Variants in RPS12 observed in about 807,000 individuals in gnomAD.
The protein encoded by RPS12 is small ribosomal subunit protein eS12.
Under a neutral mutation model 17.2 loss-of-function variants are expected in RPS12, and 1 was observed. The ratio of observed to expected loss-of-function variants is 0.06; its 90% CI spans 0.02 to 0.28. The LOEUF is 0.28. Among genes scored for constraint, RPS12 ranks in the 10% least tolerant of loss-of-function variants. RPS12 has a pLI of 1.00. For missense variants in RPS12, 146 were observed against 162.1 expected (o/e 0.90, Z 0.54); for synonymous variants, 67 against 54.0 (o/e 1.24, Z -1.06).
intron 3 of RPS12, chr6:132,815,539 T>C (rs1452047491): frequency 4.6e-6 from 2 of 430,858 alleles, no homozygotes. Context: ...AGTAGTATAA[T>C]AGCTGTGATT....
At chr6:132,815,476 T>C (rs896114334) in intron 3 of RPS12, 15 of 425,332 alleles carry the variant, frequency 3.5e-5, no homozygotes, top group Non-Finnish European at 6.5e-5. Flanking sequence ...CAAGCATTAA[T>C]TTAATGGAAT....
At chr6:132,815,144 C>T (rs1033435562) in intron 3 of RPS12, 56 bp downstream of exon 3, 3 of 1,118,326 alleles carry the variant, frequency 2.7e-6, no homozygotes, top group Non-Finnish European at 4.1e-6. Flanking sequence ...AAACTGCCAC[C>T]CAAGGGAAGA....
At chr6:132,816,228 T>A (rs1310565070) in intron 3 of RPS12, among the ~76,000 whole-genome samples, 2 of 152,132 alleles carry the variant, frequency 1.3e-5, no homozygotes, top group Non-Finnish European at 2.9e-5. Flanking sequence ...TTACACCAAT[T>A]CAGTGTGTCA....
At chr6:132,815,792 C>T (rs1026830078) in intron 3 of RPS12, 1 of 455,494 alleles carries the variant, frequency 2.2e-6, no homozygotes, top group South Asian at 1.6e-5. Flanking sequence ...GGCATTATTG[C>T]ATGGCATTTC....
intron 3 of RPS12, chr6:132,816,183 A>G (rs3778173): frequency 0.064 from 33,092 of 513,582 alleles, 1,178 homozygotes; most frequent in Middle Eastern, 0.08. Flanking sequence ...GAAAGCTATT[A>G]TGGTTGGGTT....
At chr6:132,816,329 G>A (rs531658564) in intron 3 of RPS12, 132 bp from the exon 4 acceptor site, 12 of 647,506 alleles carry the variant, frequency 1.9e-5, no homozygotes, top group South Asian at 3.6e-5. Flanking sequence ...AATTTTGTAC[G>A]CATTTATGTG....
At chr6:132,814,818 G>C (rs1782005761) in intron 2 of RPS12, 36 bp downstream of exon 2, 7 of 1,594,910 alleles carry the variant, frequency 4.4e-6, no homozygotes, top group Admixed American at 3.3e-5. Flanking sequence ...TTGGGGTCGG[G>C]GTGCGGCTGA....
intron 3 of RPS12, chr6:132,815,970 T>A: frequency 2.2e-6 from 1 of 450,454 alleles, no homozygotes; most frequent in Non-Finnish European, 4.4e-6. Context: ...TAGATGGAAT[T>A]ACAGGCACAC....
Position 132,816,581 on chromosome 6 carries a change from T to C in RPS12, c.234+18T>C, listed in dbSNP as rs369281936. ...TAATTAAGGTAAGGCTGCTAAGGAT[T>C]GTGTTGGGACTAATGTTCAGTGATG... On this transcript the variant is annotated intron_variant, in intron 4 of 5. Coordinates refer to ENST00000230050, the MANE Select transcript of RPS12 (RefSeq NM_001016.4). 5.9e-6 allele frequency: 9 copies of C among 1,522,382 alleles called. No individual in the cohort carries two copies. Among genetic ancestry groups the C allele is most frequent in the African/African-American group, 1.4e-5 (1 of 73,354 alleles). 94.3% of individuals were successfully genotyped at this position (1,522,382 alleles called of 1,614,324 possible).
rs376728133 is a variant in RPS12 at position 132,814,741 on chromosome 6, G to A, written c.-28G>A. ...TGCTTTTGTTTTTTAGTGCGTTCAA[G>A]ATTCAACTTCACCCGTAACCCACCG... On this transcript the variant is annotated 5_prime_UTR_variant, in exon 2 of 6. Coordinates refer to ENST00000230050, the MANE Select transcript of RPS12 (RefSeq NM_001016.4). The A allele has an allele frequency of 8.1e-6, 13 of 1,612,674 alleles. No homozygotes were observed. The highest frequency in any genetic ancestry group is 8.0e-5 in the African/African-American group (6 of 74,868).
At chr6:132,816,262 C>T (rs1478402061) in intron 3 of RPS12, among the ~76,000 whole-genome samples, 199 bp from the exon 4 acceptor site, 1 of 152,058 alleles carries the variant, frequency 6.6e-6, no homozygotes, top group Non-Finnish European at 1.5e-5. Flanking sequence ...TACTGAAGAC[C>T]AGTTGTAGGT....
intron 3 of RPS12, chr6:132,816,100 C>T: frequency 2.7e-6 from 1 of 376,772 alleles, no homozygotes; most frequent in Non-Finnish European, 5.1e-6. Flanking sequence ...TCCCAAAGTG[C>T]TGGGATTACA....
chr6:132,816,499 A>C lies in RPS12; in HGVS notation c.170A>C (p.Asp57Ala). The change falls in exon 4 of 6, where the codon GAT (aspartate) becomes GCT (alanine). Residue 57 changes from aspartate to alanine, a missense_variant. Coordinates refer to ENST00000230050, the MANE Select transcript of RPS12 (RefSeq NM_001016.4). ...CTTTGTGTGCTTGCATCCAACTGTG[A>C]TGAGCCTATGTATGTCAAGTTGGTG... is the stretch of plus-strand genomic sequence containing the variant. ...AHLCVLASNC[D>A]EPMYVKLVEA... 6.2e-7 allele frequency: 1 copy of C among 1,608,214 alleles called. No individual in the cohort carries two copies. The highest frequency in any genetic ancestry group is 8.5e-7 in the Non-Finnish European group (1 of 1,179,594).
intron 3 of RPS12, chr6:132,815,300 C>G (rs1357709958): frequency 2.7e-6 from 2 of 731,990 alleles, no homozygotes; most frequent in South Asian, 1.4e-5. Flanking sequence ...GCACTCAAAA[C>G]TACAGTGTTT....
At chr6:132,817,094 A>T in intron 5 of RPS12, 33 bp downstream of exon 5, 1 of 1,265,298 alleles carries the variant, frequency 7.9e-7, no homozygotes, top group Non-Finnish European at 1.2e-6. Context: ...GATGAAGGTT[A>T]TGCTGGGTAA....
chr6:132,815,394 G>A (rs767135126), intron 3 of RPS12: 37 of 575,450 alleles, frequency 6.4e-5, no homozygotes, highest in Non-Finnish European at 9.7e-5. Context: ...AGGTTGTGGA[G>A]CTAGTCAGTC....
At chr6:132,815,828 CT>C (rs368180955) in intron 3 of RPS12, 114 of 401,744 alleles carry the variant, frequency 2.8e-4, no homozygotes, top group Middle Eastern at 1.6e-3. Context: ...ATGCCACAGT[CT>C]TTTTTTTTTC....
intron 3 of RPS12, 119 bp downstream of exon 3, chr6:132,815,207 C>A: frequency 6.6e-6 from 5 of 760,268 alleles, no homozygotes; most frequent in Non-Finnish European, 1.2e-5. Context: ...ATCCGTCCTA[C>A]CGGAAACCTA....
intron 5 of RPS12, 23 bp from the exon 6 acceptor site, chr6:132,817,457 A>C (rs760295349): frequency 6.8e-7 from 1 of 1,470,240 alleles, no homozygotes; most frequent in Non-Finnish European, 9.5e-7. Flanking sequence ...AAGAAATTGC[A>C]TGCGTGTTTT....
Sources: gnomAD v4.1 joint callset for allele counts (sites outside exome capture counted in the v4.1 genomes callset) on GRCh38, gnomAD v4.1.1 for gene constraint, MANE v1.5 for transcripts, NCBI Gene and HGNC (gene_info 2026-07-23, HGNC 2026-07-21) for gene names.